BICC1: variants seen among roughly 807,000 people sequenced by gnomAD.
BICC1 encodes BicC family RNA binding protein 1.
BICC1 carries 43 observed loss-of-function variants against 111.0 expected under a neutral mutation model. The ratio of observed to expected loss-of-function variants is 0.39; its 90% CI spans 0.30 to 0.50. The LOEUF (loss-of-function observed/expected upper bound fraction) is 0.50. Among genes scored for constraint, BICC1 ranks in the 20% least tolerant of loss-of-function variants. The pLI, the probability that BICC1 is intolerant of heterozygous loss-of-function variation, is 0.88. For synonymous variants in BICC1, 467 were observed against 434.4 expected (o/e 1.07, Z -0.93); for missense variants, 1,091 against 1,203.2 (o/e 0.91, Z 1.38).
intron 3 of BICC1, among the ~76,000 whole-genome samples, chr10:58,736,111 T>G (rs1300901917): frequency 6.6e-6 from 1 of 152,140 alleles, no homozygotes; most frequent in African/African-American, 2.4e-5. Context: ...ACCTGACACC[T>G]GTGGAAGGAG....
chr10:58,512,530 G>A (rs1842113099), upstream of BICC1, among the ~76,000 whole-genome samples: 1 of 152,142 alleles, frequency 6.6e-6, no homozygotes, highest in Non-Finnish European at 1.5e-5. Flanking sequence ...AGAGCATGTA[G>A]GGGGAAGAGA....
intron 1 of BICC1, among the ~76,000 whole-genome samples, chr10:58,547,553 C>G (rs529955174): frequency 2.1e-4 from 32 of 152,228 alleles, no homozygotes; most frequent in Admixed American, 2.0e-3. Context: ...GCACTGCGTG[C>G]AGCCCATGTG....
At chr10:58,680,630 C>T (rs1183548113) in intron 2 of BICC1, among the ~76,000 whole-genome samples, 2 of 152,162 alleles carry the variant, frequency 1.3e-5, no homozygotes, top group Admixed American at 6.5e-5. Flanking sequence ...ATGATATTCC[C>T]ATCAAGCTAC....
intron 1 of BICC1, among the ~76,000 whole-genome samples, chr10:58,620,320 A>G (rs1261024755): frequency 1.3e-5 from 2 of 152,214 alleles, no homozygotes; most frequent in Non-Finnish European, 2.9e-5. Context: ...GACCGTCACC[A>G]TTACTGTTTA....
intron 20 of BICC1, among the ~76,000 whole-genome samples, chr10:58,825,398 A>C (rs1338322384): frequency 6.6e-6 from 1 of 152,178 alleles, no homozygotes; most frequent in African/African-American, 2.4e-5. Flanking sequence ...TATTGAAAAA[A>C]TTTAAGAAAA....
intron 1 of BICC1, among the ~76,000 whole-genome samples, chr10:58,546,774 C>T (rs1843148582): frequency 6.6e-6 from 1 of 151,974 alleles, no homozygotes; most frequent in Admixed American, 6.6e-5. Context: ...CTTTCAAATA[C>T]TTAAGAAAAA....
intron 1 of BICC1, among the ~76,000 whole-genome samples, chr10:58,595,723 A>G (rs1161726360): frequency 6.6e-6 from 1 of 152,198 alleles, no homozygotes; most frequent in Non-Finnish European, 1.5e-5. Context: ...CAGTGTGTAG[A>G]GGGAAATTTT....
intron 18 of BICC1, 151 bp downstream of exon 18, chr10:58,814,137 C>A: frequency 1.1e-6 from 1 of 890,320 alleles, no homozygotes; most frequent in Non-Finnish European, 1.8e-6. Context: ...TTGTTTCTCC[C>A]AGTGAAGCAG....
At chr10:58,532,289 G>A (rs1027939683) in intron 1 of BICC1, among the ~76,000 whole-genome samples, 12 of 128,790 alleles carry the variant, frequency 9.3e-5, no homozygotes, top group South Asian at 5.0e-4. Context: ...GTTTGTGGAC[G>A]GTATGTATTA....
chr10:58,623,270 T>A (rs934932422), intron 2 of BICC1, among the ~76,000 whole-genome samples: 15 of 152,298 alleles, frequency 9.8e-5, no homozygotes, highest in African/African-American at 3.1e-4. Flanking sequence ...AAAATAAGAA[T>A]TGGTATATTT....
chr10:58,513,509 C>G (rs1357880046), intron 1 of BICC1, among the ~76,000 whole-genome samples, 176 bp downstream of exon 1: 1 of 152,236 alleles, frequency 6.6e-6, no homozygotes, highest in Non-Finnish European at 1.5e-5. Context: ...GCGGGACTCC[C>G]CACCCTTCCA....
intron 2 of BICC1, among the ~76,000 whole-genome samples, chr10:58,674,776 T>G (rs927750786): frequency 3.9e-5 from 6 of 152,004 alleles, no homozygotes; most frequent in African/African-American, 1.4e-4. Context: ...AAGGACAGTT[T>G]GAATAAAGCA....
chr10:58,569,866 C>T (rs1236008287), intron 1 of BICC1, among the ~76,000 whole-genome samples: 1 of 152,102 alleles, frequency 6.6e-6, no homozygotes, highest in Non-Finnish European at 1.5e-5. Context: ...GTGCATGTGT[C>T]TTTATAGTAG....
At position 58,799,162 on chromosome 10, in the gene BICC1, C is replaced by A; in HGVS notation, c.1635C>A (p.Pro545=). The change falls in exon 12 of 21, where the codon CCC becomes CCA. Residue 545 remains proline (P), a synonymous_variant. Coordinates refer to ENST00000373886, the MANE Select transcript of BICC1 (RefSeq NM_001080512.3). Reference sequence around the variant, plus strand: ...CCTATGGGCACACAGCTCCATCTCCCCCTCCTGGCTTGACTCCTGTTGATG... The same window carrying A: ...CCTATGGGCACACAGCTCCATCTCCACCTCCTGGCTTGACTCCTGTTGATG... The part of the protein sequence containing the change: ...VPTYGHTAPS[P]PPGLTPVDVH... The A allele has an allele frequency of 1.2e-6, 2 of 1,613,908 alleles. No individual in the cohort carries two copies. Among genetic ancestry groups the A allele is most frequent in the Non-Finnish European group, 1.7e-6 (2 of 1,179,930 alleles).
intron 1 of BICC1, among the ~76,000 whole-genome samples, chr10:58,531,934 G>A (rs1593675): frequency 0.46 from 69,772 of 151,494 alleles, 17,121 homozygotes; most frequent in Admixed American, 0.63. Context: ...CTTATGGGGC[G>A]CCATCAAGTG....
intron 3 of BICC1, among the ~76,000 whole-genome samples, chr10:58,781,975 A>G (rs745717104): frequency 7.2e-5 from 11 of 152,200 alleles, no homozygotes; most frequent in Non-Finnish European, 1.6e-4. Flanking sequence ...AAAAGCACTG[A>G]TTCAGACCCT....
chr10:58,724,440 C>T (rs1841037704), intron 3 of BICC1, among the ~76,000 whole-genome samples: 1 of 151,972 alleles, frequency 6.6e-6, no homozygotes, highest in African/African-American at 2.4e-5. Context: ...TATACAAATA[C>T]TTAAGTGCTG....
rs1380881354 is a variant in BICC1 at position 58,829,185 on chromosome 10, CTGA to C, written c.*299_*301del. 9.9e-5 allele frequency: 13 copies of C among 131,678 alleles called. 1 individual carries two copies. The highest frequency in any genetic ancestry group is 1.7e-4 in the Non-Finnish European group (12 of 69,554). 8.2% of individuals were successfully genotyped at this position (131,678 alleles called of 1,614,324 possible). On this transcript the variant is annotated 3_prime_UTR_variant, in exon 21 of 21. Transcript: ENST00000373886. ...TTTATTTACCTATATAACATATGCA[CTGA>C]TGATTTTTTTTTTTTTTTTTTTTTT...
intron 3 of BICC1, among the ~76,000 whole-genome samples, chr10:58,714,902 A>C (rs1267270099): frequency 6.6e-6 from 1 of 151,866 alleles, no homozygotes. Context: ...AGTGGCAACA[A>C]TACAGGATTA....
Sources: allele counts gnomAD v4.1 joint callset (sites outside exome capture counted in the v4.1 genomes callset), GRCh38; gene constraint gnomAD v4.1.1; transcripts MANE v1.5; gene names NCBI Gene and HGNC (gene_info 2026-07-23, HGNC 2026-07-21).